SLC39A11: variants seen among roughly 807,000 people sequenced by gnomAD.
SLC39A11 encodes solute carrier family 39 member 11, also known as zinc transporter ZIP11.
Under a neutral mutation model 36.1 loss-of-function variants are expected in SLC39A11, and 33 were observed. That is an observed-to-expected ratio of 0.91 (90% CI 0.69 to 1.22). SLC39A11 has a LOEUF of 1.22. Among genes scored for constraint, SLC39A11 ranks in the 50% most tolerant of loss-of-function variants. The pLI is 0.00. For missense variants in SLC39A11, 432 were observed against 430.3 expected (o/e 1.00, Z -0.03); for synonymous variants, 166 against 170.3 (o/e 0.97, Z 0.20).
chr17:73,030,831 T>C (rs1397566990), intron 4 of SLC39A11, among the ~76,000 whole-genome samples: 5 of 152,178 alleles, frequency 3.3e-5, no homozygotes. Context: ...CCAGCTCTCT[T>C]GGCTCGGTGA....
chr17:72,724,402 C>T (rs1184712680), intron 7 of SLC39A11, among the ~76,000 whole-genome samples: 1 of 152,108 alleles, frequency 6.6e-6, no homozygotes, highest in Non-Finnish European at 1.5e-5. Context: ...GGGAGGGGCA[C>T]TTCTTGCAGT....
At chr17:72,703,345 A>G (rs1261517061) in intron 7 of SLC39A11, among the ~76,000 whole-genome samples, 1 of 152,240 alleles carries the variant, frequency 6.6e-6, no homozygotes, top group African/African-American at 2.4e-5. Context: ...TAGCCAAGTA[A>G]TGATATGCAA....
chr17:73,011,558 T>G (rs76694859), intron 4 of SLC39A11, among the ~76,000 whole-genome samples: 7,376 of 151,936 alleles, frequency 0.049, 219 homozygotes, highest in East Asian at 0.088. Context: ...AAAAGATCAT[T>G]CGTACAAAAA....
At chr17:72,709,103 T>C (rs1438820476) in intron 7 of SLC39A11, among the ~76,000 whole-genome samples, 1 of 152,048 alleles carries the variant, frequency 6.6e-6, no homozygotes, top group African/African-American at 2.4e-5. Context: ...ACCCAGCTAA[T>C]TTTTGTTGTA....
At chr17:72,852,857 G>A (rs2079431879) in intron 5 of SLC39A11, among the ~76,000 whole-genome samples, 1 of 152,118 alleles carries the variant, frequency 6.6e-6, no homozygotes, top group South Asian at 2.1e-4. Flanking sequence ...AACTAACCTG[G>A]GTCATGGTGG....
chr17:73,084,501 A>G (rs2060654678), intron 3 of SLC39A11, among the ~76,000 whole-genome samples: 1 of 150,842 alleles, frequency 6.6e-6, no homozygotes, highest in African/African-American at 2.4e-5. Context: ...GAAGGGGAGG[A>G]AAAAGTATAT....
At chr17:72,932,126 A>C (rs1388008254) in intron 5 of SLC39A11, among the ~76,000 whole-genome samples, 1 of 152,020 alleles carries the variant, frequency 6.6e-6, no homozygotes, top group Non-Finnish European at 1.5e-5. Context: ...ATTCATTGAG[A>C]GCATACAATA....
chr17:72,674,525 A>G (rs1460558120), intron 7 of SLC39A11, among the ~76,000 whole-genome samples: 1 of 152,148 alleles, frequency 6.6e-6, no homozygotes, highest in African/African-American at 2.4e-5. Context: ...ACGTAGTTTC[A>G]TATTCTTGGA....
intron 7 of SLC39A11, among the ~76,000 whole-genome samples, chr17:72,696,586 G>A (rs528205378): frequency 9.9e-5 from 15 of 151,958 alleles, no homozygotes; most frequent in Non-Finnish European, 1.9e-4. Context: ...TCTGACATAT[G>A]AGACCCACGC....
At chr17:72,685,035 G>A (rs2071679823) in intron 7 of SLC39A11, among the ~76,000 whole-genome samples, 1 of 152,180 alleles carries the variant, frequency 6.6e-6, no homozygotes. Flanking sequence ...TGCTGAGCAG[G>A]GAAATGATCA....
chr17:72,812,223 C>A (rs1039919954), intron 6 of SLC39A11, among the ~76,000 whole-genome samples: 1 of 152,158 alleles, frequency 6.6e-6, no homozygotes, highest in African/African-American at 2.4e-5. Flanking sequence ...GAGATCCTTT[C>A]GGAGGGAAGA....
chr17:72,909,834 T>C (rs541850895), intron 5 of SLC39A11, among the ~76,000 whole-genome samples: 413 of 151,534 alleles, frequency 2.7e-3, no homozygotes, highest in Non-Finnish European at 3.5e-3. Context: ...CAACCTCCGC[T>C]TCCCGCGTTC....
rs557862126 is a variant in SLC39A11, at chr17:73,035,126, C to CTT, written c.148-3414_148-3413dup. On this transcript the variant is annotated intron_variant, in intron 3 of 9. Transcript: ENST00000255559. ...TGAAAAAAGCACCCAAAGCAAAATT[C>CTT]TTTTTGTTTTTTGTTTTTGTTTTTG... 1.2e-3 allele frequency among the ~76,000 whole-genome samples: 175 copies of CTT among 151,912 alleles called. 2 individuals carry two copies. Among genetic ancestry groups the CTT allele is most frequent in the African/African-American group, 4.1e-3 (169 of 41,262 alleles).
intron 7 of SLC39A11, among the ~76,000 whole-genome samples, chr17:72,702,108 T>TA (rs2072673555): frequency 6.6e-6 from 1 of 152,028 alleles, no homozygotes; most frequent in Non-Finnish European, 1.5e-5. Flanking sequence ...TCTGTCTCCA[T>TA]AAAATAAAAT....
At chr17:72,968,872 T>G (rs57008426) in intron 4 of SLC39A11, among the ~76,000 whole-genome samples, 4 of 152,150 alleles carry the variant, frequency 2.6e-5, no homozygotes, top group Admixed American at 2.6e-4. Context: ...TTTTTTTCTT[T>G]TGGCTAATTT....
chr17:73,069,549 C>G (rs974739910), intron 3 of SLC39A11, among the ~76,000 whole-genome samples: 1 of 152,188 alleles, frequency 6.6e-6, no homozygotes, highest in Non-Finnish European at 1.5e-5. Context: ...TACACAGGCC[C>G]TTGACAAAGC....
chr17:72,740,276 AGGATGGTCTTGATCTCCT>A (rs2074631100), intron 6 of SLC39A11, among the ~76,000 whole-genome samples: 1 of 151,978 alleles, frequency 6.6e-6, no homozygotes, highest in African/African-American at 2.4e-5. Context: ...CGTGTTAGCC[AGGATGGTCTTGATCTCCT>A]GACCTCGTGA....
At chr17:72,877,770 T>C (rs965991494) in intron 5 of SLC39A11, among the ~76,000 whole-genome samples, 2 of 152,196 alleles carry the variant, frequency 1.3e-5, no homozygotes, top group Non-Finnish European at 2.9e-5. Context: ...CCAGAGCACG[T>C]GATGGCACTG....
intron 4 of SLC39A11, among the ~76,000 whole-genome samples, chr17:73,027,140 A>G (rs1048291395): frequency 6.6e-6 from 1 of 152,100 alleles, no homozygotes; most frequent in Non-Finnish European, 1.5e-5. Flanking sequence ...ACAATAATAA[A>G]CTGAAGATGA....
Sources: allele counts gnomAD v4.1 joint callset (sites outside exome capture counted in the v4.1 genomes callset), GRCh38; gene constraint gnomAD v4.1.1; transcripts MANE v1.5; gene names NCBI Gene and HGNC (gene_info 2026-07-23, HGNC 2026-07-21).